The following KCNH8 variants were observed in gnomAD, a reference collection of about 807,000 sequenced individuals.
KCNH8 encodes potassium voltage-gated channel subfamily H member 8.
In KCNH8, 70 loss-of-function variants were observed where a neutral mutation model predicts 103.6. The observed-to-expected ratio is 0.68, with a 90% CI of 0.56 to 0.82. The LOEUF (loss-of-function observed/expected upper bound fraction) is 0.82, where lower values mean the gene tolerates loss of function less well. KCNH8 is among the 40% of genes least tolerant of loss of function. KCNH8 has a pLI of 0.00. For synonymous variants in KCNH8, 498 were observed against 489.4 expected (o/e 1.02, Z -0.23); for missense variants, 1,217 against 1,329.9 (o/e 0.92, Z 1.32).
At chr3:19,184,856 A>G (rs1289047633) in intron 1 of KCNH8, among the ~76,000 whole-genome samples, 1 of 151,982 alleles carries the variant, frequency 6.6e-6, no homozygotes, top group Non-Finnish European at 1.5e-5. Flanking sequence ...TGAATATTTC[A>G]TACATACAGA....
intron 1 of KCNH8, among the ~76,000 whole-genome samples, chr3:19,227,366 G>C (rs2063943796): frequency 6.6e-6 from 1 of 152,190 alleles, no homozygotes; most frequent in South Asian, 2.1e-4. Flanking sequence ...TTGGGAGTAA[G>C]ATAGTATACA....
chr3:19,338,103 A>G (rs1001638252), intron 3 of KCNH8, among the ~76,000 whole-genome samples: 2 of 151,912 alleles, frequency 1.3e-5, no homozygotes, highest in Non-Finnish European at 2.9e-5. Context: ...TTTGTTTCCT[A>G]ATACTTTTAT....
At chr3:19,513,571 T>C (rs761234775) in intron 13 of KCNH8, among the ~76,000 whole-genome samples, 26 of 152,160 alleles carry the variant, frequency 1.7e-4, no homozygotes, top group East Asian at 1.9e-4. Context: ...TTTTATTCAT[T>C]TTGCACTACC....
chr3:19,393,309 C>G (rs2066466793), intron 6 of KCNH8, among the ~76,000 whole-genome samples: 1 of 151,988 alleles, frequency 6.6e-6, no homozygotes, highest in Admixed American at 6.6e-5. Flanking sequence ...CCGATGGGAG[C>G]AAACATAATT....
intron 3 of KCNH8, among the ~76,000 whole-genome samples, chr3:19,283,161 G>A: frequency 6.6e-6 from 1 of 152,104 alleles, no homozygotes; most frequent in East Asian, 1.9e-4. Context: ...GCAGAGAGAG[G>A]CTAGCATGTC....
At chr3:19,173,430 A>G (rs558183746) in intron 1 of KCNH8, among the ~76,000 whole-genome samples, 2 of 152,322 alleles carry the variant, frequency 1.3e-5, no homozygotes, top group African/African-American at 4.8e-5. Context: ...GCAAGGGCTT[A>G]CACCTCTGCA....
At chr3:19,189,649 G>A (rs575492902) in intron 1 of KCNH8, among the ~76,000 whole-genome samples, 7 of 151,982 alleles carry the variant, frequency 4.6e-5, no homozygotes, top group African/African-American at 1.7e-4. Flanking sequence ...TACCAAATCT[G>A]ACCTATAATC....
chr3:19,426,491 C>A (rs999226936), intron 7 of KCNH8, among the ~76,000 whole-genome samples: 1 of 151,056 alleles, frequency 6.6e-6, no homozygotes, highest in South Asian at 2.1e-4. Flanking sequence ...ATTGGGGCCC[C>A]TGATGTGCTC....
intron 1 of KCNH8, among the ~76,000 whole-genome samples, chr3:19,217,462 G>A (rs1279416013): frequency 2.0e-5 from 3 of 151,848 alleles, no homozygotes; most frequent in African/African-American, 7.3e-5. Flanking sequence ...TTTTTTATTT[G>A]TTCATCAATA....
chr3:19,322,276 T>C (rs1332984563), intron 3 of KCNH8, among the ~76,000 whole-genome samples: 1 of 152,188 alleles, frequency 6.6e-6, no homozygotes, highest in Non-Finnish European at 1.5e-5. Flanking sequence ...TATTGTTTTA[T>C]AGGTCCTGTG....
chr3:19,240,542 G>T (rs1170954439), intron 1 of KCNH8, among the ~76,000 whole-genome samples: 2 of 151,568 alleles, frequency 1.3e-5, no homozygotes, highest in African/African-American at 2.4e-5. Context: ...AACCTGGGAG[G>T]CGGAGGTTGC....
intron 15 of KCNH8, among the ~76,000 whole-genome samples, chr3:19,523,922 A>G (rs1263115169): frequency 2.0e-5 from 3 of 151,944 alleles, no homozygotes; most frequent in African/African-American, 7.2e-5. Context: ...GAAAACAGAG[A>G]AAGAATCTGA....
intron 10 of KCNH8, among the ~76,000 whole-genome samples, chr3:19,456,031 C>T (rs1042983355): frequency 3.3e-5 from 5 of 151,994 alleles, no homozygotes; most frequent in African/African-American, 1.2e-4. Context: ...ATGAAATATA[C>T]AAGAAACAAA....
intron 11 of KCNH8, among the ~76,000 whole-genome samples, chr3:19,499,664 C>A (rs1309048099): frequency 6.6e-6 from 1 of 152,074 alleles, no homozygotes; most frequent in Non-Finnish European, 1.5e-5. Flanking sequence ...ATTTTCAACC[C>A]AGAATTTCAT....
At chr3:19,456,735 T>C (rs1438687772) in intron 10 of KCNH8, 33 bp from the exon 11 acceptor site, 41 of 1,496,730 alleles carry the variant, frequency 2.7e-5, no homozygotes, top group Non-Finnish European at 3.2e-5. Context: ...CTTGCTTTTT[T>C]TTTTTGAAAA....
chr3:19,450,533 C>T (rs1395096776), intron 9 of KCNH8: 9 of 527,192 alleles, frequency 1.7e-5, no homozygotes, highest in Non-Finnish European at 2.4e-5. Flanking sequence ...GCTGCTTATT[C>T]GATCAGGTGG....
chr3:19,513,385 G>T, intron 13 of KCNH8, 60 bp downstream of exon 13: 2 of 1,517,446 alleles, frequency 1.3e-6, no homozygotes, highest in Non-Finnish European at 1.8e-6. Flanking sequence ...ATACAGAGTA[G>T]TACCTGCCTT....
intron 7 of KCNH8, among the ~76,000 whole-genome samples, chr3:19,427,658 T>C (rs2067048825): frequency 6.6e-6 from 1 of 152,154 alleles, no homozygotes; most frequent in South Asian, 2.1e-4. Flanking sequence ...CAGTCTGTGG[T>C]TCCAAAAAGG....
chr3:19,249,409 C>T (rs549907118), intron 1 of KCNH8, among the ~76,000 whole-genome samples: 5 of 152,284 alleles, frequency 3.3e-5, no homozygotes, highest in African/African-American at 7.2e-5. Context: ...AATTACACAT[C>T]GAGGACAAGT....
Sources: gnomAD v4.1 joint callset for allele counts (sites outside exome capture counted in the v4.1 genomes callset) on GRCh38, gnomAD v4.1.1 for gene constraint, MANE v1.5 for transcripts, NCBI Gene and HGNC (gene_info 2026-07-23, HGNC 2026-07-21) for gene names.